FAM107B: variants seen among roughly 807,000 people sequenced by gnomAD.
The protein encoded by FAM107B is protein FAM107B.
In FAM107B, 21 loss-of-function variants were observed where a neutral mutation model predicts 31.5. The ratio of observed to expected loss-of-function variants is 0.67; its 90% CI spans 0.47 to 0.96. FAM107B has a LOEUF of 0.96. FAM107B is among the 40% of genes least tolerant of loss of function. The pLI is 0.00. For missense variants in FAM107B, 452 were observed against 377.1 expected, an observed-to-expected ratio of 1.20 and a Z score of -1.64; for synonymous variants, 157 against 141.5, an observed-to-expected ratio of 1.11 and a Z score of -0.78.
At chr10:14,632,002 A>G (rs1853366880) in intron 2 of FAM107B, among the ~76,000 whole-genome samples, 1 of 152,168 alleles carries the variant, frequency 6.6e-6, no homozygotes, top group South Asian at 2.1e-4. Flanking sequence ...TCCTCTGATA[A>G]AATTAAGAAA....
intron 1 of FAM107B, among the ~76,000 whole-genome samples, chr10:14,749,751 C>T (rs745660355): frequency 3.0e-4 from 46 of 152,150 alleles, no homozygotes; most frequent in African/African-American, 9.7e-4. Flanking sequence ...CCTACCATCC[C>T]GCTGAAGTCC....
chr10:14,773,607 A>G (rs1355306105), intron 1 of FAM107B, among the ~76,000 whole-genome samples: 1 of 152,132 alleles, frequency 6.6e-6, no homozygotes, highest in Non-Finnish European at 1.5e-5. Flanking sequence ...TGATGCCAAA[A>G]ATGGAAAGAA....
At chr10:14,689,256 T>A (rs1414620935) in intron 1 of FAM107B, among the ~76,000 whole-genome samples, 1 of 151,646 alleles carries the variant, frequency 6.6e-6, no homozygotes, top group Non-Finnish European at 1.5e-5. Context: ...AGTATGCACC[T>A]GAAGTCCCAG....
intron 1 of FAM107B, among the ~76,000 whole-genome samples, chr10:14,683,824 T>C (rs942715294): frequency 6.6e-6 from 1 of 152,180 alleles, no homozygotes; most frequent in Non-Finnish European, 1.5e-5. Context: ...CTCCCAAAAA[T>C]TATTTTTCAT....
intron 2 of FAM107B, among the ~76,000 whole-genome samples, chr10:14,554,420 G>T (rs1031714245): frequency 6.6e-6 from 1 of 152,156 alleles, no homozygotes; most frequent in South Asian, 2.1e-4. Flanking sequence ...ACTCAGACTG[G>T]GCAGGAGGAA....
At chr10:14,552,525 T>C (rs1849354314) in intron 2 of FAM107B, among the ~76,000 whole-genome samples, 1 of 151,824 alleles carries the variant, frequency 6.6e-6, no homozygotes, top group Admixed American at 6.6e-5. Flanking sequence ...CTTTACAACA[T>C]GCTGTATACT....
At chr10:14,561,357 G>A (rs1190308277) in intron 2 of FAM107B, among the ~76,000 whole-genome samples, 4 of 152,236 alleles carry the variant, frequency 2.6e-5, no homozygotes, top group Non-Finnish European at 5.9e-5. Flanking sequence ...TGGAGTGGCA[G>A]GGTGCACTAT....
chr10:14,636,088 C>A (rs1035552914), intron 2 of FAM107B, among the ~76,000 whole-genome samples: 1 of 152,138 alleles, frequency 6.6e-6, no homozygotes, highest in Non-Finnish European at 1.5e-5. Context: ...AAACAACACA[C>A]TTTGAAATTC....
At chr10:14,589,619 C>T (rs1402880704) in intron 2 of FAM107B, among the ~76,000 whole-genome samples, 1 of 151,934 alleles carries the variant, frequency 6.6e-6, no homozygotes, top group African/African-American at 2.4e-5. Flanking sequence ...GAAGGCAGTA[C>T]ACCATAGGGT....
chr10:14,703,081 T>C (rs1049324360), intron 1 of FAM107B, among the ~76,000 whole-genome samples: 7 of 152,152 alleles, frequency 4.6e-5, no homozygotes, highest in Non-Finnish European at 1.5e-5. Flanking sequence ...TCAACCAAAG[T>C]ACCTATATTC....
rs1029266486 is a variant in FAM107B at position 14,519,671 on chromosome 10, A to C, written c.*1519T>G. 1 of 152,204 alleles carries C rather than the reference A, an allele frequency of 6.6e-6. No homozygotes were observed. Among genetic ancestry groups the C allele is most frequent in the Non-Finnish European group, 1.5e-5 (1 of 68,036 alleles). 9.4% of individuals were successfully genotyped at this position (152,204 alleles called of 1,614,324 possible). ...CAGATTGAATATGGGCCTAATTGTC[A>C]ACTGCTAACACTAAAGCATTCCCAT... On this transcript the variant is annotated 3_prime_UTR_variant, in exon 5 of 5. Transcript: ENST00000181796.
intron 2 of FAM107B, among the ~76,000 whole-genome samples, chr10:14,597,255 T>A (rs1318197455): frequency 2.6e-5 from 4 of 152,202 alleles, no homozygotes; most frequent in Non-Finnish European, 5.9e-5. Context: ...ACAAACCACC[T>A]GTGATTATTT....
intron 2 of FAM107B, among the ~76,000 whole-genome samples, chr10:14,582,014 G>GA: frequency 6.6e-6 from 1 of 152,272 alleles, no homozygotes; most frequent in South Asian, 2.1e-4. Context: ...TGCCCAAGTT[G>GA]ACAGTTTCAA....
intron 2 of FAM107B, among the ~76,000 whole-genome samples, chr10:14,530,718 C>T (rs1322834092): frequency 6.6e-6 from 1 of 152,202 alleles, no homozygotes; most frequent in East Asian, 1.9e-4. Flanking sequence ...CTGGTCTCGT[C>T]TTGCCCATGA....
chr10:14,572,100 G>T, intron 2 of FAM107B: 1 of 985,410 alleles, frequency 1.0e-6, no homozygotes, highest in South Asian at 4.7e-5. Flanking sequence ...CACAGTTCAA[G>T]TTCAAAGAGA....
intron 1 of FAM107B, among the ~76,000 whole-genome samples, chr10:14,727,189 C>T (rs2131555922): frequency 6.6e-6 from 1 of 152,246 alleles, no homozygotes; most frequent in South Asian, 2.1e-4. Flanking sequence ...GATGAAGCTT[C>T]ACTCACTCTC....
intron 2 of FAM107B, among the ~76,000 whole-genome samples, chr10:14,655,316 C>T (rs941185407): frequency 2.0e-5 from 3 of 152,236 alleles, no homozygotes; most frequent in African/African-American, 7.2e-5. Flanking sequence ...ATATCCAAAC[C>T]ATAGCAGTAG....
intron 2 of FAM107B, among the ~76,000 whole-genome samples, chr10:14,601,467 C>CA (rs1177513439): frequency 6.6e-6 from 1 of 152,142 alleles, no homozygotes; most frequent in African/African-American, 2.4e-5. Context: ...CATGATTAGA[C>CA]AAGGGAACTA....
intron 2 of FAM107B, among the ~76,000 whole-genome samples, chr10:14,606,606 G>T (rs896739627): frequency 5.9e-5 from 9 of 152,120 alleles, no homozygotes; most frequent in African/African-American, 2.2e-4. Flanking sequence ...GTTAAACAAG[G>T]TCATAAGGGT....
Sources: allele counts gnomAD v4.1 joint callset (sites outside exome capture counted in the v4.1 genomes callset), GRCh38; gene constraint gnomAD v4.1.1; transcripts MANE v1.5; gene names NCBI Gene and HGNC (gene_info 2026-07-23, HGNC 2026-07-21).